The following INPP4B variants were observed in gnomAD, a reference collection of about 807,000 sequenced individuals.
INPP4B encodes the protein inositol polyphosphate 4-phosphatase type II.
In INPP4B, 55 loss-of-function variants were observed where a neutral mutation model predicts 122.5. The ratio of observed to expected loss-of-function variants is 0.45; its 90% CI spans 0.36 to 0.56. The LOEUF (loss-of-function observed/expected upper bound fraction) is 0.56, where lower values mean the gene tolerates loss of function less well. Among genes scored for constraint, INPP4B ranks in the 20% least tolerant of loss-of-function variants. INPP4B has a pLI of 0.00. For synonymous variants in INPP4B, 403 were observed against 388.7 expected, an observed-to-expected ratio of 1.04 and a Z score of -0.43; for missense variants, 1,000 against 1,097.7, an observed-to-expected ratio of 0.91 and a Z score of 1.26.
intron 2 of INPP4B, among the ~76,000 whole-genome samples, chr4:142,628,601 C>T (rs972444859): frequency 2.7e-5 from 4 of 146,228 alleles, no homozygotes; most frequent in Non-Finnish European, 4.5e-5. Flanking sequence ...TTGATTGTCA[C>T]TTGCTACCGC....
At chr4:142,332,881 G>C (rs1291437811) in intron 7 of INPP4B, among the ~76,000 whole-genome samples, 1 of 150,844 alleles carries the variant, frequency 6.6e-6, no homozygotes, top group Non-Finnish European at 1.5e-5. Context: ...CGTGGTGGCG[G>C]GTGCCTATAG....
At chr4:142,702,560 T>G (rs1761938166) in intron 2 of INPP4B, among the ~76,000 whole-genome samples, 1 of 152,044 alleles carries the variant, frequency 6.6e-6, no homozygotes, top group Non-Finnish European at 1.5e-5. Flanking sequence ...ACCCCATCTC[T>G]ACTAAAATTG....
chr4:142,196,675 C>T (rs533700701), intron 14 of INPP4B, among the ~76,000 whole-genome samples: 49 of 152,272 alleles, frequency 3.2e-4, no homozygotes, highest in African/African-American at 1.1e-3. Context: ...CAGTAGTTCA[C>T]TTTTATATGA....
At chr4:142,135,360 T>C (rs1306535708) in intron 18 of INPP4B, among the ~76,000 whole-genome samples, 2 of 152,210 alleles carry the variant, frequency 1.3e-5, no homozygotes, top group Non-Finnish European at 2.9e-5. Context: ...ACCAGTCTTA[T>C]ATGGCCTACA....
intron 2 of INPP4B, among the ~76,000 whole-genome samples, chr4:142,724,487 C>A (rs1339238092): frequency 1.3e-5 from 2 of 152,120 alleles, no homozygotes; most frequent in Non-Finnish European, 2.9e-5. Flanking sequence ...CTACATCACA[C>A]AGCTCAGCTT....
At chr4:142,254,730 G>A (rs1210193256) in intron 11 of INPP4B, among the ~76,000 whole-genome samples, 1 of 152,172 alleles carries the variant, frequency 6.6e-6, no homozygotes, top group Non-Finnish European at 1.5e-5. Flanking sequence ...ACGTCTGATT[G>A]GTGTACCTGA....
chr4:142,245,235 A>T (rs1343045534), intron 11 of INPP4B, among the ~76,000 whole-genome samples: 1 of 152,030 alleles, frequency 6.6e-6, no homozygotes, highest in Admixed American at 6.6e-5. Flanking sequence ...CCCATTTGTC[A>T]ATTTTGGCTT....
intron 25 of INPP4B, among the ~76,000 whole-genome samples, chr4:142,052,229 T>C (rs371320164): frequency 6.6e-6 from 1 of 152,032 alleles, no homozygotes; most frequent in South Asian, 2.1e-4. Context: ...ATACTCCATG[T>C]ATTATAAATT....
At chr4:142,472,487 AG>A (rs1819033149) in intron 2 of INPP4B, among the ~76,000 whole-genome samples, 1 of 152,218 alleles carries the variant, frequency 6.6e-6, no homozygotes, top group Admixed American at 6.5e-5. Flanking sequence ...GACTGTTAAA[AG>A]TTCCTCTTTA....
At chr4:142,791,688 TG>T (rs1776577197) in intron 1 of INPP4B, among the ~76,000 whole-genome samples, 1 of 152,086 alleles carries the variant, frequency 6.6e-6, no homozygotes, top group African/African-American at 2.4e-5. Context: ...TCGGCCCCCT[TG>T]GGTGCATCCT....
chr4:142,489,997 G>C (rs1270159387), intron 2 of INPP4B, among the ~76,000 whole-genome samples: 1 of 151,964 alleles, frequency 6.6e-6, no homozygotes, highest in Non-Finnish European at 1.5e-5. Flanking sequence ...AAGGTATATA[G>C]ATCTCTTTGT....
At chr4:142,727,872 T>TG (rs772917125) in intron 1 of INPP4B, among the ~76,000 whole-genome samples, 1 of 152,148 alleles carries the variant, frequency 6.6e-6, no homozygotes, top group Admixed American at 6.6e-5. Flanking sequence ...AATGAGTCCC[T>TG]GTCCCCCAAC....
chr4:142,146,879 C>T (rs1001743038), intron 17 of INPP4B, among the ~76,000 whole-genome samples: 1 of 152,172 alleles, frequency 6.6e-6, no homozygotes, highest in Non-Finnish European at 1.5e-5. Context: ...GGCCTCTTTG[C>T]CACTAATCTT....
intron 7 of INPP4B, among the ~76,000 whole-genome samples, chr4:142,381,518 A>G (rs1473731008): frequency 6.6e-6 from 1 of 152,060 alleles, no homozygotes; most frequent in Non-Finnish European, 1.5e-5. Context: ...TCTAATTTTC[A>G]TCTTATTTAT....
chr4:142,244,229 A>G (rs1048505834), intron 11 of INPP4B, among the ~76,000 whole-genome samples: 2 of 150,638 alleles, frequency 1.3e-5, no homozygotes, highest in African/African-American at 4.9e-5. Context: ...TGTCCCTGCA[A>G]AGGACATGAA....
chr4:142,084,015 A>G (rs1170786650), intron 24 of INPP4B, among the ~76,000 whole-genome samples: 1 of 152,184 alleles, frequency 6.6e-6, no homozygotes, highest in Admixed American at 6.5e-5. Flanking sequence ...TGATTTCTAC[A>G]ATACCTGAAC....
At chr4:142,320,684 ATCTT>A (rs1769664897) in intron 7 of INPP4B, among the ~76,000 whole-genome samples, 1 of 152,080 alleles carries the variant, frequency 6.6e-6, no homozygotes, top group Non-Finnish European at 1.5e-5. Flanking sequence ...AAATCTACTT[ATCTT>A]TCTTATGATT....
At chr4:142,345,944 A>T (rs1780200966) in intron 7 of INPP4B, among the ~76,000 whole-genome samples, 1 of 152,016 alleles carries the variant, frequency 6.6e-6, no homozygotes, top group African/African-American at 2.4e-5. Context: ...TAATTGTGGC[A>T]GTTTTTGGAT....
At chr4:142,127,054 CAT>C (rs1222696037) in intron 18 of INPP4B, among the ~76,000 whole-genome samples, 1 of 152,152 alleles carries the variant, frequency 6.6e-6, no homozygotes, top group Non-Finnish European at 1.5e-5. Flanking sequence ...AATTCCCAAA[CAT>C]AAAATACATC....
Sources: allele counts gnomAD v4.1 joint callset (sites outside exome capture counted in the v4.1 genomes callset), GRCh38; gene constraint gnomAD v4.1.1; transcripts MANE v1.5; gene names NCBI Gene and HGNC (gene_info 2026-07-23, HGNC 2026-07-21).